The following ERCC5 variants were observed in gnomAD, a reference collection of about 807,000 sequenced individuals.
ERCC5 encodes DNA excision repair protein ERCC-5.
In ERCC5, 68 loss-of-function variants were observed where a neutral mutation model predicts 105.6. The observed-to-expected ratio is 0.64, with a 90% CI of 0.53 to 0.79. The LOEUF is 0.79. ERCC5 is among the 30% of genes least tolerant of loss of function. ERCC5 has a pLI of 0.00. For synonymous variants in ERCC5, 546 were observed against 526.2 expected (o/e 1.04, Z -0.51); for missense variants, 1,373 against 1,426.7 (o/e 0.96, Z 0.61).
At chr13:102,860,983 ATGAT>A (rs1882596285) in intron 6 of ERCC5, among the ~76,000 whole-genome samples, 1 of 123,768 alleles carries the variant, frequency 8.1e-6, no homozygotes, top group Non-Finnish European at 1.6e-5. Flanking sequence ...AACAGTATTC[ATGAT>A]TTTTTTTTTT....
intron 1 of ERCC5, among the ~76,000 whole-genome samples, chr13:102,847,847 A>G (rs1216749288): frequency 3.3e-5 from 5 of 152,242 alleles, no homozygotes; most frequent in African/African-American, 7.2e-5. Context: ...TTTATGTAGC[A>G]GCCCTTGTGA....
chr13:102,854,907 G>A (rs1490654819), intron 4 of ERCC5, among the ~76,000 whole-genome samples: 1 of 152,218 alleles, frequency 6.6e-6, no homozygotes, highest in Non-Finnish European at 1.5e-5. Context: ...TTAATGGTTG[G>A]TGGTTTCTGT....
chr13:102,854,493 A>G (rs751283100), intron 4 of ERCC5, 119 bp downstream of exon 4: 3 of 978,462 alleles, frequency 3.1e-6, no homozygotes, highest in Non-Finnish European at 4.7e-6. Context: ...CATCTGAAAT[A>G]GGCATGCTCT....
chr13:102,868,026 C>T (rs568403536), intron 11 of ERCC5, 87 bp from the exon 12 acceptor site: 2 of 1,290,836 alleles, frequency 1.5e-6, no homozygotes, highest in East Asian at 2.5e-5. Flanking sequence ...TATAGATATA[C>T]ACACGTACAT....
At chr13:102,872,637 A>G (rs1053695824) in intron 13 of ERCC5, among the ~76,000 whole-genome samples, 2 of 152,096 alleles carry the variant, frequency 1.3e-5, no homozygotes, top group Non-Finnish European at 2.9e-5. Flanking sequence ...CAGTGGTGCA[A>G]TCATAGCTCA....
rs115105811 is a variant in ERCC5 at position 102,849,990 on chromosome 13, C to A, written c.89-2128C>A. Among the ~76,000 whole-genome samples, 1,274 of 151,462 alleles carry A rather than the reference C, an allele frequency of 8.4e-3. 14 individuals carry two copies. Among genetic ancestry groups the A allele is most frequent in the African/African-American group, 0.029 (1,213 of 41,232 alleles). ...AGAGTCTCCCTCTGTTACGCAGGCT[C>A]GAGTGCAGTGGCGTGATCTTGGCTC... On this transcript the variant is annotated intron_variant, in intron 1 of 14. Transcript: ENST00000652225.
chr13:102,872,525 G>A (rs1038450421), intron 13 of ERCC5, 127 bp downstream of exon 13: 5 of 1,156,666 alleles, frequency 4.3e-6, no homozygotes, highest in East Asian at 2.6e-5. Context: ...TTAATATCCC[G>A]CTCTCCTTTT....
In ERCC5 at chr13:102,861,597, A is replaced by G; in HGVS notation, c.763A>G (p.Asn255Asp). 3 of 1,614,218 alleles carry G rather than the reference A, an allele frequency of 1.9e-6. No individual in the cohort carries two copies. Among genetic ancestry groups the G allele is most frequent in the Non-Finnish European group, 2.5e-6 (3 of 1,180,024 alleles). The change falls in exon 7 of 15, where the codon AAT (asparagine) becomes GAT (aspartate). Residue 255 changes from asparagine to aspartate, a missense_variant. Coordinates refer to ENST00000652225, the MANE Select transcript of ERCC5 (RefSeq NM_000123.4). Reference protein sequence around the residue: ...QHIEHVQKEMNQQHSGHIRRQ... With the variant: ...QHIEHVQKEMDQQHSGHIRRQ... ...TATAGAACATGTCCAAAAGGAAATGAATCAGCAACATTCAGGACACATCCG... is the reference window on the plus strand; with the variant it reads ...TATAGAACATGTCCAAAAGGAAATGGATCAGCAACATTCAGGACACATCCG...
Position 102,875,840 on chromosome 13 carries a change from A to T in ERCC5, c.3498A>T (p.Arg1166Ser). ...AGAAGATGGTCCTCGTGACCGCCAG[A>T]TCTGTGTTTGGGAAGAAAAGAAGGA... ...GKEKMVLVTA[R>S]SVFGKKRRKL... The change falls in exon 15 of 15, where the codon AGA (arginine) becomes AGT (serine). Residue 1166 changes from arginine to serine, a missense_variant. Coordinates refer to ENST00000652225, the MANE Select transcript of ERCC5 (RefSeq NM_000123.4). 17 of 1,613,078 alleles carry T rather than the reference A, an allele frequency of 1.1e-5. No individual in the cohort carries two copies. Among genetic ancestry groups the T allele is most frequent in the Non-Finnish European group, 1.4e-5 (17 of 1,179,978 alleles).
chr13:102,873,897 A>G (rs183495793), intron 14 of ERCC5, among the ~76,000 whole-genome samples: 1 of 152,328 alleles, frequency 6.6e-6, no homozygotes, highest in East Asian at 1.9e-4. Flanking sequence ...CGCCCACACT[A>G]GAAACAACCC....
rs907196567 is a variant in ERCC5, at chr13:102,862,550, C to T, written c.1401C>T (p.Pro467=). ...HVASTNEGRE[P]TDSVPKEQMS... is the part of the protein sequence containing the mutation. Reference sequence around the variant, plus strand: ...CCAGCACTAATGAGGGGAGAGAGCCCACAGACTCAGTTCCAAAAGAACAAA... The same window carrying T: ...CCAGCACTAATGAGGGGAGAGAGCCTACAGACTCAGTTCCAAAAGAACAAA... The change falls in exon 8 of 15, where the codon CCC becomes CCT. Residue 467 remains proline (P), a synonymous_variant. Transcript: ENST00000652225. 3.7e-6 allele frequency: 6 copies of T among 1,614,054 alleles called. No individual in the cohort carries two copies. The highest frequency in any genetic ancestry group is 4.2e-6 in the Non-Finnish European group (5 of 1,180,008).
chr13:102,861,034 G>T (rs1882600393), intron 6 of ERCC5, among the ~76,000 whole-genome samples: 2 of 147,210 alleles, frequency 1.4e-5, no homozygotes, highest in South Asian at 4.2e-4. Context: ...TGTCCCTCAG[G>T]CTGGAGTGCA....
rs1287626395 is a variant in ERCC5 at position 102,862,708 on chromosome 13, G to A, written c.1559G>A (p.Arg520Lys). Residue 520 changes from arginine (R) to lysine (K), a missense_variant, in exon 8 of 15, where the codon AGG becomes AAG. Transcript: ENST00000652225. The stretch of plus-strand genomic sequence containing the variant: ...GACGCACCTGGGCTCCCGAATGGAA[G>A]GGAACTGACACCGGCATCTCCAACT... Reference protein sequence around the residue: ...HSDAPGLPNGRELTPASPTCT... With the variant: ...HSDAPGLPNGKELTPASPTCT... The A allele has an allele frequency of 6.2e-7, 1 of 1,614,198 alleles. No homozygotes were observed. The highest frequency in any genetic ancestry group is 8.5e-7 in the Non-Finnish European group (1 of 1,180,040).
At chr13:102,875,201 A>C in intron 14 of ERCC5, 106 bp from the exon 15 acceptor site, 2 of 1,255,324 alleles carry the variant, frequency 1.6e-6, no homozygotes, top group Non-Finnish European at 2.2e-6. Flanking sequence ...ATATTCTCTG[A>C]CATAGTAATC....
chr13:102,847,763 T>G (rs1298263428), intron 1 of ERCC5, among the ~76,000 whole-genome samples: 1 of 152,184 alleles, frequency 6.6e-6, no homozygotes, highest in Non-Finnish European at 1.5e-5. Flanking sequence ...TCTAAAGATT[T>G]TCTCAGAAAT....
chr13:102,852,464 A>G (rs1017654189), intron 2 of ERCC5, among the ~76,000 whole-genome samples, 171 bp downstream of exon 2: 6 of 152,216 alleles, frequency 3.9e-5, no homozygotes, highest in African/African-American at 1.4e-4. Context: ...TTTTTCTTTT[A>G]AAAAGTTTTA....
chr13:102,863,793 T>A (rs1297257861), intron 8 of ERCC5, among the ~76,000 whole-genome samples: 7 of 152,006 alleles, frequency 4.6e-5, no homozygotes, highest in African/African-American at 1.7e-4. Context: ...CAGTAGGGGA[T>A]TATGCAATGG....
intron 1 of ERCC5, chr13:102,849,578 CA>C (rs75982504): frequency 0.043 from 15,816 of 371,032 alleles, 2,077 homozygotes; most frequent in African/African-American, 0.29. Flanking sequence ...GATGGACCTA[CA>C]TTTTTTTTTA....
At chr13:102,850,804 CAT>C in intron 1 of ERCC5, among the ~76,000 whole-genome samples, 1 of 152,174 alleles carries the variant, frequency 6.6e-6, no homozygotes, top group Non-Finnish European at 1.5e-5. Flanking sequence ...CTGGGCCAGA[CAT>C]ATACATGGAG....
Sources: gnomAD v4.1 joint callset for allele counts (sites outside exome capture counted in the v4.1 genomes callset) on GRCh38, gnomAD v4.1.1 for gene constraint, MANE v1.5 for transcripts, NCBI Gene and HGNC (gene_info 2026-07-23, HGNC 2026-07-21) for gene names.